Variants in ICA1 observed in about 807,000 individuals in gnomAD.
ICA1 encodes 69 kDa islet cell autoantigen.
Under a neutral mutation model 71.0 loss-of-function variants are expected in ICA1, and 40 were observed. That is an observed-to-expected ratio of 0.56 (90% CI 0.44 to 0.73). ICA1 has a LOEUF of 0.73. Ranked by LOEUF, ICA1 falls within the 30% of genes least tolerant of loss-of-function variation. ICA1 has a pLI of 0.00. For synonymous variants in ICA1, 207 were observed against 209.5 expected (o/e 0.99, Z 0.10); for missense variants, 578 against 576.5 (o/e 1.00, Z -0.03).
intron 1 of ICA1, among the ~76,000 whole-genome samples, chr7:8,244,579 G>C (rs1332274504): frequency 6.6e-6 from 1 of 152,150 alleles, no homozygotes; most frequent in African/African-American, 2.4e-5. Flanking sequence ...AAACTAAAGA[G>C]CTTCTGCACA....
At chr7:8,133,230 G>A (rs1383246298) in intron 12 of ICA1, among the ~76,000 whole-genome samples, 1 of 152,178 alleles carries the variant, frequency 6.6e-6, no homozygotes, top group African/African-American at 2.4e-5. Flanking sequence ...CTCACCAGAT[G>A]TGTCCCCTCA....
At position 8,130,171 on chromosome 7, in the gene ICA1, G is replaced by A. The variant is rs1190008626; in HGVS notation, c.1061-2029C>T. On this transcript the variant is annotated intron_variant, in intron 12 of 13. Transcript: ENST00000402384. The surrounding 1 kb of genome is among the most constrained non-coding windows in gnomAD (Gnocchi z 4.2). The stretch of plus-strand genomic sequence containing the variant: ...CCGCAATAAACATACGTGGGCATGT[G>A]TCTTTATAGCAGCATGATTTATAAT... 6.6e-6 allele frequency among the ~76,000 whole-genome samples: 1 copy of A among 152,202 alleles called. No individual in the cohort carries two copies. Among genetic ancestry groups the A allele is most frequent in the Non-Finnish European group, 1.5e-5 (1 of 68,044 alleles).
At chr7:8,174,779 A>AAAAAACCAAAAAAAG (rs1780045549) in intron 6 of ICA1, among the ~76,000 whole-genome samples, 1 of 102,780 alleles carries the variant, frequency 9.7e-6, no homozygotes, top group Non-Finnish European at 2.4e-5. Context: ...AAAAAAAAAA[A>AAAAAACCAAAAAAAG]CAGAGAGAGA....
chr7:8,239,360 C>T (rs1173335119), intron 1 of ICA1, among the ~76,000 whole-genome samples: 4 of 152,188 alleles, frequency 2.6e-5, no homozygotes, highest in Non-Finnish European at 5.9e-5. Context: ...CAAATGAGTA[C>T]ATGCCAGTCA....
intron 3 of ICA1, among the ~76,000 whole-genome samples, chr7:8,231,000 G>A (rs1014126479): frequency 6.6e-6 from 1 of 151,870 alleles, no homozygotes; most frequent in Non-Finnish European, 1.5e-5. Flanking sequence ...GCAAACAGAT[G>A]AACACCTGAG....
chr7:8,143,672 C>T (rs887508065), intron 9 of ICA1, among the ~76,000 whole-genome samples: 2 of 152,174 alleles, frequency 1.3e-5, no homozygotes, highest in Admixed American at 6.5e-5. Flanking sequence ...CCCTGGAAAC[C>T]GATCTCTTAC....
intron 1 of ICA1, among the ~76,000 whole-genome samples, chr7:8,254,346 G>A (rs112022004): frequency 1.3e-5 from 2 of 151,664 alleles, no homozygotes; most frequent in African/African-American, 2.4e-5. Context: ...TTTGAGTTTG[G>A]GCTGGCTTAG....
chr7:8,119,572 G>A (rs998843399), intron 13 of ICA1, among the ~76,000 whole-genome samples: 27 of 152,220 alleles, frequency 1.8e-4, no homozygotes, highest in Non-Finnish European at 1.5e-5. Context: ...GAGGCCGGGT[G>A]TGGTGGCTCA....
intron 3 of ICA1, among the ~76,000 whole-genome samples, chr7:8,230,147 A>C (rs1251742625): frequency 1.3e-5 from 2 of 152,252 alleles, no homozygotes; most frequent in Non-Finnish European, 2.9e-5. Flanking sequence ...GACTCTGGCA[A>C]GAAGACTTCT....
In ICA1 at chr7:8,226,183, G is replaced by A. The variant is rs369228499; in HGVS notation, c.256+2418C>T. ...ATGGTTTTATGAATCAGAGCTATGGGAAGGTATCTCATAGCTCCCTCTTCA... is the reference window on the plus strand; with the variant it reads ...ATGGTTTTATGAATCAGAGCTATGGAAAGGTATCTCATAGCTCCCTCTTCA... On this transcript the variant is annotated intron_variant, in intron 4 of 13. Coordinates refer to ENST00000402384, the MANE Select transcript of ICA1 (RefSeq NM_001136020.3). This position sits in a 1 kb window ranked among gnomAD's most constrained non-coding sequence, Gnocchi z 4.4. 9.5e-4 allele frequency among the ~76,000 whole-genome samples: 144 copies of A among 152,158 alleles called. No individual in the cohort carries two copies. Among genetic ancestry groups the A allele is most frequent in the African/African-American group, 3.1e-3 (128 of 41,524 alleles).
At chr7:8,179,722 A>G (rs1781626053) in intron 6 of ICA1, among the ~76,000 whole-genome samples, 1 of 152,026 alleles carries the variant, frequency 6.6e-6, no homozygotes, top group African/African-American at 2.4e-5. Context: ...GAGTTTCCAA[A>G]TACTAAATAT....
chr7:8,224,979 C>T (rs1208341483), intron 4 of ICA1, among the ~76,000 whole-genome samples: 2 of 152,230 alleles, frequency 1.3e-5, no homozygotes, highest in African/African-American at 2.4e-5. Flanking sequence ...TGTTCCTCAT[C>T]ACTCATGATG....
chr7:8,178,404 T>TG (rs1781235273), intron 6 of ICA1, among the ~76,000 whole-genome samples: 1 of 152,218 alleles, frequency 6.6e-6, no homozygotes, highest in African/African-American at 2.4e-5. Flanking sequence ...AGGGAGGGTA[T>TG]GGCAGAAACC....
chr7:8,142,695 C>T (rs916979288), intron 9 of ICA1, among the ~76,000 whole-genome samples: 6 of 152,188 alleles, frequency 3.9e-5, no homozygotes, highest in Non-Finnish European at 8.8e-5. Flanking sequence ...CCAGCCTTGA[C>T]GTCACTGAAG....
rs375958136 is a variant in ICA1 at position 8,114,084 on chromosome 7, A to C, written c.1331-40T>G. The C allele has an allele frequency of 3.1e-6, 5 of 1,613,386 alleles. No individual in the cohort carries two copies. In the Admixed American group the frequency reaches 6.7e-5, roughly 22 times the overall value. ...GGAAACATGAGCAAACGCACCTTCC[A>C]AATGTCCACCTCTGCCATGCGGGAT... On this transcript the variant is annotated intron_variant, in intron 13 of 13. Transcript: ENST00000402384.
intron 6 of ICA1, among the ~76,000 whole-genome samples, chr7:8,164,089 G>A (rs1206269298): frequency 1.3e-5 from 2 of 151,940 alleles, no homozygotes; most frequent in South Asian, 2.1e-4. Flanking sequence ...CGGATCACCC[G>A]AGGTCAGGAG....
chr7:8,210,064 A>G (rs1431207430), intron 6 of ICA1, among the ~76,000 whole-genome samples: 1 of 152,212 alleles, frequency 6.6e-6, no homozygotes, highest in Non-Finnish European at 1.5e-5. Context: ...GGGCCACAGA[A>G]AGTTATTAGC....
At position 8,228,637 on chromosome 7, in the gene ICA1, A is replaced by G. The variant is rs984959663; in HGVS notation, c.220T>C (p.Ser74Pro). 6.2e-7 allele frequency: 1 copy of G among 1,601,936 alleles called. No homozygotes were observed. The highest frequency in any genetic ancestry group is 8.5e-7 in the Non-Finnish European group (1 of 1,173,932). ...HSIQRTCLDL[S>P]KAIVLYQKRI... is the part of the protein sequence containing the mutation. ...TTTTGATAGAGTACAATTGCTTTCGATAAGTCCAGACAGGTTCTCTGAATT... is the reference window on the plus strand; with the variant it reads ...TTTTGATAGAGTACAATTGCTTTCGGTAAGTCCAGACAGGTTCTCTGAATT... Residue 74 changes from serine to proline, a missense_variant, in exon 4 of 14, where the codon TCG (serine) becomes CCG (proline). Ser to Pro is a moderately conservative substitution (Grantham distance 74, BLOSUM62 -1). Coordinates refer to ENST00000402384, the MANE Select transcript of ICA1 (RefSeq NM_001136020.3).
intron 6 of ICA1, among the ~76,000 whole-genome samples, chr7:8,196,353 A>C (rs1787565872): frequency 6.6e-6 from 1 of 152,216 alleles, no homozygotes; most frequent in African/African-American, 2.4e-5. Flanking sequence ...GCGCTCAGGG[A>C]GATAGAAGGA....
Sources: gnomAD v4.1 joint callset for allele counts (sites outside exome capture counted in the v4.1 genomes callset) on GRCh38, gnomAD v4.1.1 for gene constraint, Gnocchi (gnomAD v3.1) non-coding constraint, MANE v1.5 for transcripts, NCBI Gene and HGNC (gene_info 2026-07-23, HGNC 2026-07-21) for gene names.